FOXK1: variants seen among roughly 807,000 people sequenced by gnomAD.
FOXK1 encodes the protein forkhead box K1.
In FOXK1, 19 loss-of-function variants were observed where a neutral mutation model predicts 51.9. The observed-to-expected ratio is 0.37, with a 90% CI of 0.26 to 0.54. The LOEUF is 0.54. Among genes scored for constraint, FOXK1 ranks in the 20% least tolerant of loss-of-function variants. The probability of loss-of-function intolerance (pLI) is 0.87; values close to 1 mark genes in which losing one functional copy is unlikely to be tolerated. For missense variants in FOXK1, 870 were observed against 1,032.7 expected (o/e 0.84, Z 2.16); for synonymous variants, 537 against 482.6 (o/e 1.11, Z -1.48).
chr7:4,759,072 A>G lies in FOXK1; in HGVS notation c.1266A>G (p.Thr422=). 1.9e-6 allele frequency: 3 copies of G among 1,604,272 alleles called. No homozygotes were observed. The highest frequency in any genetic ancestry group is 2.5e-6 in the Non-Finnish European group (3 of 1,176,906). Residue 422 remains threonine (T), a synonymous_variant, in exon 6 of 9, where the codon ACA becomes ACG. Coordinates refer to ENST00000328914, the MANE Select transcript of FOXK1 (RefSeq NM_001037165.2). ...LSSRSAPASP[T]HPGLMSPRSG... is the part of the protein sequence containing the mutation. Reference sequence around the variant, plus strand: ...CCAGGAGCGCTCCAGCTTCGCCCACACACCCCGGGCTGATGTCCCCTCGCT... The same window carrying G: ...CCAGGAGCGCTCCAGCTTCGCCCACGCACCCCGGGCTGATGTCCCCTCGCT...
chr7:4,739,815 G>A (rs1403866216), intron 1 of FOXK1, among the ~76,000 whole-genome samples: 1 of 152,174 alleles, frequency 6.6e-6, no homozygotes, highest in Non-Finnish European at 1.5e-5. Flanking sequence ...GTCTGCATAG[G>A]TGGTTGCCGT....
intron 1 of FOXK1, among the ~76,000 whole-genome samples, chr7:4,706,857 CT>C (rs200757579): frequency 0.018 from 2,695 of 152,300 alleles, 27 homozygotes; most frequent in Middle Eastern, 0.045. Flanking sequence ...CCCAATGCCC[CT>C]GTAGCCTGGA....
At chr7:4,739,109 A>G (rs1235693983) in intron 1 of FOXK1, among the ~76,000 whole-genome samples, 2 of 152,200 alleles carry the variant, frequency 1.3e-5, no homozygotes, top group African/African-American at 2.4e-5. Context: ...GATTTTACGT[A>G]GATTGACTAT....
At chr7:4,720,932 A>G (rs759445594) in intron 1 of FOXK1, among the ~76,000 whole-genome samples, 1 of 151,050 alleles carries the variant, frequency 6.6e-6, no homozygotes, top group African/African-American at 2.4e-5. Context: ...GAAAAAAAAA[A>G]CTCAACACAC....
chr7:4,760,775 C>A (rs1461607580), intron 7 of FOXK1, among the ~76,000 whole-genome samples: 1 of 152,114 alleles, frequency 6.6e-6, no homozygotes, highest in African/African-American at 2.4e-5. Context: ...CGCTTGAACC[C>A]GGGAGGCGGA....
intron 7 of FOXK1, 125 bp downstream of exon 7, chr7:4,759,720 C>G: frequency 8.6e-7 from 1 of 1,158,866 alleles, no homozygotes; most frequent in East Asian, 2.6e-5. Flanking sequence ...GCTTCTGCCT[C>G]TCGCTGCCTT....
intron 2 of FOXK1, among the ~76,000 whole-genome samples, chr7:4,744,293 G>A (rs930505914): frequency 1.3e-5 from 2 of 152,096 alleles, no homozygotes; most frequent in Admixed American, 6.6e-5. Context: ...GGGGGTACAC[G>A]TGCATATTTG....
intron 1 of FOXK1, among the ~76,000 whole-genome samples, chr7:4,726,747 T>A (rs1780385878): frequency 6.6e-6 from 1 of 152,178 alleles, no homozygotes. Context: ...TGCTTTGCCC[T>A]CAAGACTTCT....
In FOXK1 at chr7:4,701,872, G is replaced by A. The variant is rs142458327; in HGVS notation, c.560+19004G>A. Among the ~76,000 whole-genome samples the A allele has an allele frequency of 4.6e-3, 697 of 152,256 alleles. 8 individuals carry two copies. Among genetic ancestry groups the A allele is most frequent in the African/African-American group, 0.016 (674 of 41,548 alleles). On this transcript the variant is annotated intron_variant, in intron 1 of 8. Coordinates refer to ENST00000328914, the MANE Select transcript of FOXK1 (RefSeq NM_001037165.2). ...CGCGCCACTGCACTCCAGCCTGGGC[G>A]ATAAGCGAGACTCCGTCTCAAAAAA... is the stretch of plus-strand genomic sequence containing the variant.
At position 4,707,194 on chromosome 7, in the gene FOXK1, C is replaced by T. The variant is rs1780112675; in HGVS notation, c.560+24326C>T. On this transcript the variant is annotated intron_variant, in intron 1 of 8. Coordinates refer to ENST00000328914, the MANE Select transcript of FOXK1 (RefSeq NM_001037165.2). This position sits in a 1 kb window ranked among gnomAD's most constrained non-coding sequence, Gnocchi z 4.1. Reference sequence around the variant, plus strand: ...CCTGGTGCGGTGGACACAGACATTGCCCAAACACTAACGGAGAGGGAAGAG... The same window carrying T: ...CCTGGTGCGGTGGACACAGACATTGTCCAAACACTAACGGAGAGGGAAGAG... Among the ~76,000 whole-genome samples, 2 of 152,104 alleles carry T rather than the reference C, an allele frequency of 1.3e-5. No homozygotes were observed.
chr7:4,710,063 G>A (rs1780155439), intron 1 of FOXK1, among the ~76,000 whole-genome samples: 1 of 152,226 alleles, frequency 6.6e-6, no homozygotes. Context: ...TAATTGTAGT[G>A]TCAAAAAATT....
At chr7:4,713,648 C>T (rs111747891) in intron 1 of FOXK1, among the ~76,000 whole-genome samples, 51 of 151,916 alleles carry the variant, frequency 3.4e-4, no homozygotes, top group African/African-American at 1.2e-3. Context: ...CGTGCCACCA[C>T]GCCCAGCTAA....
intron 1 of FOXK1, among the ~76,000 whole-genome samples, chr7:4,725,273 C>T (rs1268385098): frequency 1.3e-5 from 2 of 152,266 alleles, no homozygotes; most frequent in Non-Finnish European, 2.9e-5. Context: ...CGGAACGCCC[C>T]TTGGAGCACC....
In FOXK1 at chr7:4,761,073, A is replaced by G. The variant is rs763222142; in HGVS notation, c.1706A>G (p.Glu569Gly). 2 of 1,611,508 alleles carry G rather than the reference A, an allele frequency of 1.2e-6. No homozygotes were observed. The highest frequency in any genetic ancestry group is 1.3e-5 in the African/African-American group (1 of 74,846). The part of the protein sequence containing the change: ...DLGSEARGLE[E>G]KPTIAFATIP... ...GGTTCCTGTCCCGCAGGCCTGGAGG[A>G]GAAACCCACCATTGCGTTTGCCACA... is the stretch of plus-strand genomic sequence containing the variant. The change falls in exon 8 of 9, where the codon GAG (glutamate) becomes GGG (glycine). Residue 569 changes from glutamate (E) to glycine (G), a missense_variant. This residue lies in a region of FOXK1 where 457 missense variants were observed against 510.8 expected (regional missense o/e 0.89). Transcript: ENST00000328914. The surrounding 1 kb of genome is among the most constrained non-coding windows in gnomAD (Gnocchi z 6.2).
intron 3 of FOXK1, chr7:4,754,890 C>T (rs994139934): frequency 1.4e-5 from 8 of 582,654 alleles, no homozygotes; most frequent in East Asian, 2.9e-5. Flanking sequence ...GCTGGCAGCC[C>T]GGCGTCAAAG....
At chr7:4,728,453 A>G (rs1392373790) in intron 1 of FOXK1, among the ~76,000 whole-genome samples, 1 of 152,194 alleles carries the variant, frequency 6.6e-6, no homozygotes, top group Non-Finnish European at 1.5e-5. Flanking sequence ...GGGAGACTCC[A>G]CATTCCTGAG....
intron 1 of FOXK1, among the ~76,000 whole-genome samples, chr7:4,714,342 G>A (rs550340926): frequency 1.3e-5 from 2 of 152,164 alleles, no homozygotes; most frequent in Non-Finnish European, 2.9e-5. Flanking sequence ...GCAATGGCGC[G>A]ATCTCAGCTC....
intron 1 of FOXK1, among the ~76,000 whole-genome samples, chr7:4,702,826 G>T (rs1403854018): frequency 6.6e-6 from 1 of 152,194 alleles, no homozygotes; most frequent in Non-Finnish European, 1.5e-5. Context: ...CCTTGACGGG[G>T]CCTCTGGCCT....
intron 5 of FOXK1, 69 bp downstream of exon 5, chr7:4,757,256 G>A (rs545085720): frequency 1.0e-5 from 14 of 1,391,052 alleles, no homozygotes; most frequent in South Asian, 4.0e-5. Flanking sequence ...TTAGAGATAC[G>A]TGGCGCAGTC....
Sources: allele counts gnomAD v4.1 joint callset (sites outside exome capture counted in the v4.1 genomes callset), GRCh38; gene constraint gnomAD v4.1.1; regional missense constraint gnomAD v4.1.1; non-coding constraint Gnocchi (gnomAD v3.1); transcripts MANE v1.5; gene names NCBI Gene and HGNC (gene_info 2026-07-23, HGNC 2026-07-21).